PTDSS1: variants seen among roughly 807,000 people sequenced by gnomAD.
PTDSS1 encodes the protein phosphatidylserine synthase 1.
A neutral mutation model predicts 70.5 loss-of-function variants in PTDSS1; 45 were observed. The observed-to-expected ratio is 0.64, with a 90% CI of 0.50 to 0.82. The LOEUF (loss-of-function observed/expected upper bound fraction) is 0.82. Among genes scored for constraint, PTDSS1 ranks in the 40% least tolerant of loss-of-function variants. PTDSS1 has a pLI of 0.00. For missense variants in PTDSS1, 417 were observed against 586.1 expected, an observed-to-expected ratio of 0.71 and a Z score of 2.98; for synonymous variants, 188 against 203.8, an observed-to-expected ratio of 0.92 and a Z score of 0.66.
At chr8:96,290,825 GAATTAATATTATA>G (rs1472511767) in intron 4 of PTDSS1, among the ~76,000 whole-genome samples, 1 of 146,112 alleles carries the variant, frequency 6.8e-6, no homozygotes, top group African/African-American at 2.5e-5. Flanking sequence ...TTTTCCCTTA[GAATTAATATTATA>G]AATTAATATT....
In PTDSS1 at chr8:96,306,477, A is replaced by C; in HGVS notation, c.928A>C (p.Ile310Leu). The change falls in exon 8 of 13, where the codon ATC becomes CTC. Residue 310 changes from isoleucine (I) to leucine (L), a missense_variant. Coordinates refer to ENST00000517309, the MANE Select transcript of PTDSS1 (RefSeq NM_014754.3). ...TELNTFFLKH[I>L]FVFQASHPLS... ...GTTGAATACCTTCTTCTTGAAGCAT[A>C]TCTTTGTGTTCCAAGCCAGTCATCC... 6.2e-7 allele frequency: 1 copy of C among 1,614,116 alleles called. No individual in the cohort carries two copies. Among genetic ancestry groups the C allele is most frequent in the Non-Finnish European group, 8.5e-7 (1 of 1,179,980 alleles).
In PTDSS1 at chr8:96,282,856, A is replaced by G. The variant is rs1043029804; in HGVS notation, c.272-1253A>G. On this transcript the variant is annotated intron_variant, in intron 2 of 12. Coordinates refer to ENST00000517309, the MANE Select transcript of PTDSS1 (RefSeq NM_014754.3). ...AAGACTAGGAGTGGCTCACAGTGTC[A>G]TAGGCTTGCTTGGAAACCAACCATA... Among the ~76,000 whole-genome samples the G allele has an allele frequency of 5.9e-5, 9 of 152,214 alleles. No homozygotes were observed. In the East Asian group the frequency reaches 1.7e-3, roughly 29 times the overall value.
At chr8:96,315,403 C>T (rs1050640580) in intron 9 of PTDSS1, among the ~76,000 whole-genome samples, 1 of 152,160 alleles carries the variant, frequency 6.6e-6, no homozygotes, top group South Asian at 2.1e-4. Flanking sequence ...TCCTCAGAAT[C>T]CACGTGCAGG....
chr8:96,292,452 AGGTCCTGATTG>A (rs1810921525), intron 4 of PTDSS1, among the ~76,000 whole-genome samples: 1 of 152,164 alleles, frequency 6.6e-6, no homozygotes, highest in Admixed American at 6.5e-5. Flanking sequence ...GTCTGTGTAG[AGGTCCTGATTG>A]GGGGTGTGGG....
intron 4 of PTDSS1, among the ~76,000 whole-genome samples, chr8:96,288,592 C>T (rs567394517): frequency 7.0e-6 from 1 of 142,604 alleles, no homozygotes; most frequent in African/African-American, 2.6e-5. Flanking sequence ...TCCTAGAGTG[C>T]TGGGATTACA....
chr8:96,266,848 CT>C (rs1810494447), intron 1 of PTDSS1, among the ~76,000 whole-genome samples: 3 of 152,196 alleles, frequency 2.0e-5, no homozygotes, highest in African/African-American at 7.2e-5. Context: ...TTTTCTTATA[CT>C]GATTTCCAGA....
At chr8:96,271,757 C>T (rs1221912126) in intron 1 of PTDSS1, among the ~76,000 whole-genome samples, 1 of 152,206 alleles carries the variant, frequency 6.6e-6, no homozygotes, top group Non-Finnish European at 1.5e-5. Context: ...ATTTTAAAAA[C>T]AGTTTCTATT....
intron 9 of PTDSS1, among the ~76,000 whole-genome samples, chr8:96,310,590 T>C (rs998856619): frequency 2.0e-5 from 3 of 151,952 alleles, no homozygotes; most frequent in Non-Finnish European, 4.4e-5. Context: ...TCTGGATGTA[T>C]CTTGAGTTTG....
chr8:96,290,406 A>G (rs1313875944), intron 4 of PTDSS1, among the ~76,000 whole-genome samples: 2 of 152,204 alleles, frequency 1.3e-5, no homozygotes, highest in Non-Finnish European at 2.9e-5. Context: ...ATCGAATGAT[A>G]ATGCTCTTGA....
chr8:96,320,688 A>G (rs983715913), intron 10 of PTDSS1, among the ~76,000 whole-genome samples: 5 of 152,216 alleles, frequency 3.3e-5, no homozygotes, highest in Non-Finnish European at 5.9e-5. Flanking sequence ...TTGCTTTCTC[A>G]TCATCATGCC....
At chr8:96,274,447 C>T (rs1241015520) in intron 2 of PTDSS1, among the ~76,000 whole-genome samples, 2 of 152,048 alleles carry the variant, frequency 1.3e-5, no homozygotes, top group South Asian at 4.1e-4. Flanking sequence ...AAAAAACAGC[C>T]GGGTGCGGCG....
At chr8:96,318,551 G>A (rs1190677683) in intron 9 of PTDSS1, among the ~76,000 whole-genome samples, 1 of 152,148 alleles carries the variant, frequency 6.6e-6, no homozygotes, top group African/African-American at 2.4e-5. Context: ...GCCACCTAGC[G>A]TCTTAATCAC....
intron 6 of PTDSS1, 152 bp downstream of exon 6, chr8:96,299,997 C>A: frequency 9.0e-7 from 1 of 1,106,070 alleles, no homozygotes; most frequent in Non-Finnish European, 1.2e-6. Flanking sequence ...AACCTGATTT[C>A]AAGCATTTGT....
chr8:96,287,270 G>C, intron 4 of PTDSS1, 124 bp downstream of exon 4: 1 of 1,346,534 alleles, frequency 7.4e-7, no homozygotes, highest in Non-Finnish European at 1.0e-6. Context: ...CTAAAAACCA[G>C]GTCTCTGGGA....
intron 10 of PTDSS1, 41 bp from the exon 11 acceptor site, chr8:96,330,172 T>G: frequency 1.9e-6 from 3 of 1,551,980 alleles, no homozygotes; most frequent in Non-Finnish European, 2.7e-6. Context: ...TTCTGGGAAA[T>G]TGAACTTTTT....
intron 5 of PTDSS1, among the ~76,000 whole-genome samples, chr8:96,297,957 A>G (rs896137577): frequency 3.3e-5 from 5 of 152,200 alleles, no homozygotes; most frequent in Admixed American, 2.0e-4. Flanking sequence ...GCTTGGGTCT[A>G]TCGGGGGCCC....
rs868193893 is a variant in PTDSS1, at chr8:96,276,977, C to T, written c.271+3587C>T. Among the ~76,000 whole-genome samples, 8 of 101,432 alleles carry T rather than the reference C, an allele frequency of 7.9e-5. No individual in the cohort carries two copies. The East Asian group carries it at 1.1e-3, about 15-fold the overall frequency. 66.5% of individuals were successfully genotyped at this position (101,432 alleles called of 152,430 possible). A position where few individuals can be genotyped will look rare whatever the true frequency, so the allele number is the denominator to read the frequency against. On this transcript the variant is annotated intron_variant, in intron 2 of 12. Coordinates refer to ENST00000517309, the MANE Select transcript of PTDSS1 (RefSeq NM_014754.3). ...CCGGGCACATACACGCGCGCACGCG[C>T]GCGCACACACACACACACACACACA... is the stretch of plus-strand genomic sequence containing the variant.
chr8:96,286,058 A>G (rs1254749299), intron 3 of PTDSS1, among the ~76,000 whole-genome samples: 1 of 152,072 alleles, frequency 6.6e-6, no homozygotes, highest in Non-Finnish European at 1.5e-5. Context: ...TGCCTGTTAG[A>G]AGGTCTGGCA....
rs1278729372 is a variant in PTDSS1 at position 96,276,976 on chromosome 8, G to GCACACACA, written c.271+3587_271+3588insACACACAC. On this transcript the variant is annotated intron_variant, in intron 2 of 12. Coordinates refer to ENST00000517309, the MANE Select transcript of PTDSS1 (RefSeq NM_014754.3). The stretch of plus-strand genomic sequence containing the variant: ...CCCGGGCACATACACGCGCGCACGC[G>GCACACACA]CGCGCACACACACACACACACACAC... 5.6e-3 allele frequency among the ~76,000 whole-genome samples: 599 copies of GCACACACA among 107,598 alleles called. 3 individuals carry two copies. Among genetic ancestry groups the GCACACACA allele is most frequent in the African/African-American group, 0.014 (460 of 33,422 alleles). The allele number at this position is 107,598 out of a possible 152,430, so 70.6% of individuals were successfully genotyped here.
Sources: allele counts gnomAD v4.1 joint callset (sites outside exome capture counted in the v4.1 genomes callset), GRCh38; gene constraint gnomAD v4.1.1; transcripts MANE v1.5; gene names NCBI Gene and HGNC (gene_info 2026-07-23, HGNC 2026-07-21).